LRRN1: variants seen among roughly 807,000 people sequenced by gnomAD.
LRRN1 encodes leucine rich repeat neuronal 1.
A neutral mutation model predicts 45.8 loss-of-function variants in LRRN1; 14 were observed. The ratio of observed to expected loss-of-function variants is 0.31; its 90% CI spans 0.20 to 0.48. The LOEUF is 0.48. Ranked by LOEUF, LRRN1 falls within the 20% of genes least tolerant of loss-of-function variation. The pLI is 0.99. For missense variants in LRRN1, 789 were observed against 874.2 expected, an observed-to-expected ratio of 0.90 and a Z score of 1.23; for synonymous variants, 359 against 330.1, an observed-to-expected ratio of 1.09 and a Z score of -0.95.
chr3:3,843,510 T>C (rs1693689060), intron 1 of LRRN1, among the ~76,000 whole-genome samples: 2 of 128,788 alleles, frequency 1.6e-5, no homozygotes, highest in Admixed American at 7.7e-5. Flanking sequence ...CCACAATCTT[T>C]AGAATATTTT....
At chr3:3,830,739 TC>T (rs1037807037) in intron 1 of LRRN1, among the ~76,000 whole-genome samples, 7 of 152,252 alleles carry the variant, frequency 4.6e-5, no homozygotes, top group African/African-American at 1.7e-4. Flanking sequence ...ATATACCACT[TC>T]CATTTGATGA....
chr3:3,828,355 C>A (rs1402361722), intron 1 of LRRN1, among the ~76,000 whole-genome samples: 1 of 151,794 alleles, frequency 6.6e-6, no homozygotes, highest in Non-Finnish European at 1.5e-5. Context: ...GGCTAGGAGG[C>A]TAGACCCGTC....
intron 1 of LRRN1, among the ~76,000 whole-genome samples, chr3:3,834,944 G>C (rs186321184): frequency 8.7e-4 from 132 of 152,076 alleles, no homozygotes; most frequent in East Asian, 3.9e-4. Context: ...ACACAACCGG[G>C]GTTAATGCTT....
chr3:3,831,970 G>T (rs999132632), intron 1 of LRRN1, among the ~76,000 whole-genome samples: 1 of 152,240 alleles, frequency 6.6e-6, no homozygotes, highest in Non-Finnish European at 1.5e-5. Flanking sequence ...CAGAAATGGA[G>T]AAAAAGGCAT....
chr3:3,827,335 G>GC, intron 1 of LRRN1: 1 of 366,254 alleles, frequency 2.7e-6, no homozygotes, highest in South Asian at 2.0e-5. Flanking sequence ...ACATCTGAAA[G>GC]CCCTTGTTAA....
chr3:3,826,753 T>A (rs774527882), intron 1 of LRRN1, among the ~76,000 whole-genome samples: 13 of 151,720 alleles, frequency 8.6e-5, no homozygotes, highest in Non-Finnish European at 1.5e-4. Context: ...AATCTAAGAG[T>A]CAGAAAGGGT....
intron 1 of LRRN1, among the ~76,000 whole-genome samples, chr3:3,809,396 G>A (rs1421518339): frequency 3.3e-5 from 5 of 152,106 alleles, no homozygotes; most frequent in South Asian, 2.1e-4. Context: ...CACCTGCCTC[G>A]GTCTCCCAAA....
chr3:3,830,908 G>A (rs891306454), intron 1 of LRRN1, among the ~76,000 whole-genome samples: 1 of 152,184 alleles, frequency 6.6e-6, no homozygotes, highest in African/African-American at 2.4e-5. Context: ...CTCAAAAGGA[G>A]AGTAGTTATC....
chr3:3,844,770 G>C lies in LRRN1; in HGVS notation c.129G>C (p.Trp43Cys). The C allele has an allele frequency of 1.2e-6, 2 of 1,614,048 alleles. No individual in the cohort carries two copies. Among genetic ancestry groups the C allele is most frequent in the Non-Finnish European group, 1.7e-6 (2 of 1,179,994 alleles). The part of the protein sequence containing the change: ...PQLCVCEIRP[W>C]FTPQSTYREA... ...TTTGCGTATGTGAAATTCGTCCCTG[G>C]TTTACCCCACAGTCAACTTACAGAG... Residue 43 changes from tryptophan (W) to cysteine (C), a missense_variant, in exon 2 of 2, where the codon TGG becomes TGC. Physicochemically the swap from Trp to Cys is radical, Grantham distance 215. Coordinates refer to ENST00000319331, the MANE Select transcript of LRRN1 (RefSeq NM_020873.7).
At chr3:3,800,957 C>G (rs1692638341) in intron 1 of LRRN1, 1 of 152,410 alleles carries the variant, frequency 6.6e-6, no homozygotes, top group Admixed American at 6.5e-5. Context: ...TCCCCGCCGC[C>G]CGCCCAGGGA....
chr3:3,846,430 A>G lies in LRRN1; in HGVS notation c.1789A>G (p.Thr597Ala). 6.2e-7 allele frequency: 1 copy of G among 1,614,084 alleles called. No individual in the cohort carries two copies. Among genetic ancestry groups the G allele is most frequent in the South Asian group, 1.1e-5 (1 of 91,082 alleles). Residue 597 changes from threonine to alanine, a missense_variant, in exon 2 of 2, where the codon ACA (threonine) becomes GCA (alanine). By Grantham distance (58) the Thr-to-Ala change is moderately conservative (BLOSUM62 0). Coordinates refer to ENST00000319331, the MANE Select transcript of LRRN1 (RefSeq NM_020873.7). The surrounding 1 kb of genome is among the most constrained non-coding windows in gnomAD (Gnocchi z 5.7). Reference sequence around the variant, plus strand: ...TTCCACAGATTATGAAGTGTGTCTCACAGTGTCCAATATTCATCAGCAGAC... The same window carrying G: ...TTCCACAGATTATGAAGTGTGTCTCGCAGTGTCCAATATTCATCAGCAGAC... Reference protein sequence around the residue: ...QPSTDYEVCLTVSNIHQQTQK... With the variant: ...QPSTDYEVCLAVSNIHQQTQK...
intron 1 of LRRN1, among the ~76,000 whole-genome samples, chr3:3,835,199 AAT>A (rs1379934669): frequency 8.5e-5 from 13 of 152,194 alleles, no homozygotes; most frequent in Admixed American, 2.0e-4. Flanking sequence ...TTATGTTTAA[AAT>A]GCATTTAATA....
At chr3:3,843,517 T>G (rs1354410454) in intron 1 of LRRN1, among the ~76,000 whole-genome samples, 1 of 128,768 alleles carries the variant, frequency 7.8e-6, no homozygotes, top group East Asian at 2.7e-4. Context: ...CTTTAGAATA[T>G]TTTCATCATC....
At chr3:3,844,093 C>A (rs902769307) in intron 1 of LRRN1, among the ~76,000 whole-genome samples, 2 of 151,924 alleles carry the variant, frequency 1.3e-5, no homozygotes, top group Non-Finnish European at 2.9e-5. Context: ...TGTATACATA[C>A]AAATGTACAC....
At chr3:3,841,688 T>G (rs1265991035) in intron 1 of LRRN1, among the ~76,000 whole-genome samples, 1 of 151,964 alleles carries the variant, frequency 6.6e-6, no homozygotes, top group South Asian at 2.1e-4. Flanking sequence ...CTAGCTAATT[T>G]TTATATTTTT....
chr3:3,826,453 G>A (rs1196179633), intron 1 of LRRN1, among the ~76,000 whole-genome samples: 2 of 152,120 alleles, frequency 1.3e-5, no homozygotes, highest in Non-Finnish European at 1.5e-5. Context: ...CTTTCTTGGC[G>A]AACATCCTTG....
chr3:3,829,205 T>C (rs747644977), intron 1 of LRRN1, among the ~76,000 whole-genome samples: 2 of 152,144 alleles, frequency 1.3e-5, no homozygotes, highest in Non-Finnish European at 2.9e-5. Context: ...TCCATTTTGA[T>C]AATCTGGGTC....
intron 1 of LRRN1, among the ~76,000 whole-genome samples, chr3:3,803,906 T>C (rs1476010368): frequency 6.6e-6 from 1 of 152,204 alleles, no homozygotes; most frequent in Non-Finnish European, 1.5e-5. Flanking sequence ...CCTCCCGAGT[T>C]CTGAAACATA....
At chr3:3,805,137 A>G (rs1201233957) in intron 1 of LRRN1, among the ~76,000 whole-genome samples, 1 of 152,238 alleles carries the variant, frequency 6.6e-6, no homozygotes, top group Non-Finnish European at 1.5e-5. Flanking sequence ...GACAGTGGGC[A>G]GCACCAATAT....
Sources: allele counts gnomAD v4.1 joint callset (sites outside exome capture counted in the v4.1 genomes callset), GRCh38; gene constraint gnomAD v4.1.1; non-coding constraint Gnocchi (gnomAD v3.1); transcripts MANE v1.5; gene names NCBI Gene and HGNC (gene_info 2026-07-23, HGNC 2026-07-21).